Variants in PCBP3 observed in about 807,000 individuals in gnomAD.
PCBP3 encodes poly(rC)-binding protein 3.
PCBP3 carries 25 observed loss-of-function variants against 52.7 expected under a neutral mutation model. The ratio of observed to expected loss-of-function variants is 0.47; its 90% CI spans 0.35 to 0.66. PCBP3 has a LOEUF of 0.66. Ranked by LOEUF, PCBP3 falls within the 30% of genes least tolerant of loss-of-function variation. PCBP3 has a pLI of 0.01. For synonymous variants in PCBP3, 162 were observed against 183.0 expected, an observed-to-expected ratio of 0.89 and a Z score of 0.93; for missense variants, 391 against 490.3, an observed-to-expected ratio of 0.80 and a Z score of 1.91.
intron 4 of PCBP3, among the ~76,000 whole-genome samples, chr21:45,815,902 G>T (rs2092924128): frequency 8.3e-6 from 1 of 120,862 alleles, no homozygotes; most frequent in African/African-American, 3.4e-5. Context: ...GATGAGTGAT[G>T]GGTGAGTGGT....
rs148155820 is a variant in PCBP3, at chr21:45,904,386, G to A, written c.339+3273G>A. ...GCTCAGGAAGCTCGAGGGATTTGGA[G>A]TTTTCATCTTTTGGTCCTTTGGTTT... is the stretch of plus-strand genomic sequence containing the variant. On this transcript the variant is annotated intron_variant, in intron 9 of 17. Transcript: ENST00000681687. The surrounding 1 kb of genome is among the most constrained non-coding windows in gnomAD (Gnocchi z 4.8). 0.025 allele frequency among the ~76,000 whole-genome samples: 3,819 copies of A among 152,160 alleles called. 56 individuals are homozygous for A. The highest frequency in any genetic ancestry group is 0.039 in the Non-Finnish European group (2,623 of 67,972).
chr21:45,815,017 A>AGTG (rs2092841955), intron 4 of PCBP3, among the ~76,000 whole-genome samples: 1 of 80,332 alleles, frequency 1.2e-5, no homozygotes, highest in African/African-American at 5.4e-5. Flanking sequence ...GTGAGTGATG[A>AGTG]GTGAGTGGTG....
intron 2 of PCBP3, among the ~76,000 whole-genome samples, chr21:45,731,810 A>G (rs1050319733): frequency 1.3e-5 from 2 of 152,142 alleles, no homozygotes; most frequent in Non-Finnish European, 2.9e-5. Context: ...ACTTCTGGCT[A>G]TTACATTATG....
intron 4 of PCBP3, among the ~76,000 whole-genome samples, chr21:45,822,688 G>A (rs1244756195): frequency 6.6e-6 from 1 of 151,974 alleles, no homozygotes; most frequent in Non-Finnish European, 1.5e-5. Context: ...AGGGGACAGG[G>A]TTAGGAGAGT....
Position 45,846,429 on chromosome 21 carries a change from G to GT in PCBP3, c.-125-3520dup, listed in dbSNP as rs35953101. 4.5e-3 allele frequency among the ~76,000 whole-genome samples: 642 copies of GT among 142,322 alleles called. 2 individuals are homozygous for GT. The highest frequency in any genetic ancestry group is 7.3e-3 in the Admixed American group (105 of 14,362). 93.4% of individuals were successfully genotyped at this position (142,322 alleles called of 152,430 possible). A position where few individuals can be genotyped will look rare whatever the true frequency, so the allele number is the denominator to read the frequency against. On this transcript the variant is annotated intron_variant, in intron 4 of 17. Coordinates refer to ENST00000681687, the MANE Select transcript of PCBP3 (RefSeq NM_001384156.1). ...CCTAATACAAGCTAGTTTTTTGTTT[G>GT]TTTTTTTTTTTTAACGAATGTTTCA...
intron 5 of PCBP3, chr21:45,871,300 T>C (rs1250896918): frequency 6.7e-6 from 1 of 149,796 alleles, no homozygotes; most frequent in Non-Finnish European, 1.4e-5. Flanking sequence ...GGGCACCCCC[T>C]TGGGAAGGCC....
intron 2 of PCBP3, among the ~76,000 whole-genome samples, chr21:45,677,772 G>A (rs972605075): frequency 6.6e-6 from 1 of 152,074 alleles, no homozygotes; most frequent in African/African-American, 2.4e-5. Flanking sequence ...AAATCTACTC[G>A]GCCTGTGCTC....
At chr21:45,812,790 A>C (rs2092718953) in intron 4 of PCBP3, among the ~76,000 whole-genome samples, 1 of 152,140 alleles carries the variant, frequency 6.6e-6, no homozygotes, top group Non-Finnish European at 1.5e-5. Flanking sequence ...TTCATTTTGA[A>C]ATTCTCTCTA....
intron 4 of PCBP3, among the ~76,000 whole-genome samples, chr21:45,792,948 T>A (rs2091704511): frequency 6.6e-6 from 1 of 152,132 alleles, no homozygotes. Context: ...CATTGTCACA[T>A]GCAGTCCAAA....
At chr21:45,710,855 G>A (rs529106290) in intron 2 of PCBP3, among the ~76,000 whole-genome samples, 3 of 152,212 alleles carry the variant, frequency 2.0e-5, no homozygotes, top group South Asian at 2.1e-4. Flanking sequence ...AAGCATGAAC[G>A]CATGGATTTA....
At position 45,683,910 on chromosome 21, in the gene PCBP3, C is replaced by T. The variant is rs532745515; in HGVS notation, c.-200+14958C>T. Reference sequence around the variant, plus strand: ...CACTGCACTCCAGCCTGGGCGACAGCGAGACTCCATCTCAAAAAAAAAATA... The same window carrying T: ...CACTGCACTCCAGCCTGGGCGACAGTGAGACTCCATCTCAAAAAAAAAATA... On this transcript the variant is annotated intron_variant, in intron 2 of 17. Transcript: ENST00000681687. 1.4e-3 allele frequency among the ~76,000 whole-genome samples: 205 copies of T among 150,888 alleles called. 1 individual carries two copies. Among genetic ancestry groups the T allele is most frequent in the Non-Finnish European group, 2.4e-3 (163 of 67,742 alleles).
intron 5 of PCBP3, among the ~76,000 whole-genome samples, chr21:45,885,779 A>G (rs1001003074): frequency 2.0e-5 from 3 of 152,072 alleles, no homozygotes; most frequent in Non-Finnish European, 2.9e-5. Flanking sequence ...TCATTTGTTT[A>G]AAGAGTGTTC....
chr21:45,789,818 C>T (rs975802233), intron 4 of PCBP3, among the ~76,000 whole-genome samples: 2 of 152,098 alleles, frequency 1.3e-5, no homozygotes, highest in Admixed American at 6.5e-5. Context: ...GTTAGGTTCT[C>T]GCCAAATCGC....
intron 2 of PCBP3, among the ~76,000 whole-genome samples, chr21:45,674,862 C>T (rs141901607): frequency 6.6e-6 from 1 of 152,270 alleles, no homozygotes; most frequent in East Asian, 1.9e-4. Flanking sequence ...GCTCCTGGAA[C>T]AGGGATCCAG....
chr21:45,669,313 A>G (rs1230529684), intron 2 of PCBP3, among the ~76,000 whole-genome samples: 1 of 152,032 alleles, frequency 6.6e-6, no homozygotes, highest in Non-Finnish European at 1.5e-5. Flanking sequence ...AAACCCATTC[A>G]TGACTTTATA....
At chr21:45,872,909 T>G (rs1339673360) in intron 5 of PCBP3, 2 of 152,244 alleles carry the variant, frequency 1.3e-5, no homozygotes, top group Admixed American at 6.5e-5. Flanking sequence ...TTAGTCTTCA[T>G]ATATACTGCT....
intron 2 of PCBP3, among the ~76,000 whole-genome samples, chr21:45,672,070 G>C (rs1364624330): frequency 1.3e-5 from 2 of 152,120 alleles, no homozygotes; most frequent in Non-Finnish European, 2.9e-5. Flanking sequence ...CTTATGAGTG[G>C]ATTAATCTAT....
chr21:45,864,118 G>A (rs1244828550), intron 5 of PCBP3, among the ~76,000 whole-genome samples: 3 of 152,206 alleles, frequency 2.0e-5, no homozygotes, highest in Non-Finnish European at 4.4e-5. Context: ...TACTGGATGT[G>A]GTATGGGAGT....
chr21:45,868,424 TTTTTTTTTA>T (rs1249012301), intron 5 of PCBP3, among the ~76,000 whole-genome samples: 1 of 118,988 alleles, frequency 8.4e-6, no homozygotes, highest in African/African-American at 2.8e-5. Flanking sequence ...TTTTTTTTTT[TTTTTTTTTA>T]AATAAAGGAT....
Sources: allele counts gnomAD v4.1 joint callset (sites outside exome capture counted in the v4.1 genomes callset), GRCh38; gene constraint gnomAD v4.1.1; non-coding constraint Gnocchi (gnomAD v3.1); transcripts MANE v1.5; gene names NCBI Gene and HGNC (gene_info 2026-07-23, HGNC 2026-07-21).